CRLF3: variants seen among roughly 807,000 people sequenced by gnomAD.
The protein encoded by CRLF3 is cytokine receptor-like factor 3.
In CRLF3, 33 loss-of-function variants were observed where a neutral mutation model predicts 55.0. That is an observed-to-expected ratio of 0.60 (90% confidence interval 0.46 to 0.80). The LOEUF (loss-of-function observed/expected upper bound fraction) is 0.80. CRLF3 is among the 30% of genes least tolerant of loss of function. The pLI is 0.00. For synonymous variants in CRLF3, 238 were observed against 196.8 expected, an observed-to-expected ratio of 1.21 and a Z score of -1.75; for missense variants, 494 against 538.4, an observed-to-expected ratio of 0.92 and a Z score of 0.82.
intron 1 of CRLF3, among the ~76,000 whole-genome samples, chr17:30,809,056 G>A (rs999018264): frequency 6.6e-6 from 1 of 152,188 alleles, no homozygotes; most frequent in African/African-American, 2.4e-5. Flanking sequence ...GCTCTTTAGC[G>A]GATATAGCAT....
chr17:30,814,719 T>C (rs1388847718), intron 1 of CRLF3, among the ~76,000 whole-genome samples: 1 of 150,460 alleles, frequency 6.6e-6, no homozygotes, highest in African/African-American at 2.4e-5. Flanking sequence ...TAAAACAAAA[T>C]TGCCGGGCAT....
At chr17:30,809,997 G>A (rs1030497083) in intron 1 of CRLF3, 8 of 152,128 alleles carry the variant, frequency 5.3e-5, no homozygotes, top group Non-Finnish European at 1.0e-4. Flanking sequence ...TGTAAATTAT[G>A]TATTGGCTAA....
At chr17:30,804,219 TAAA>T in intron 1 of CRLF3, 111 bp from the exon 2 acceptor site, 1 of 703,254 alleles carries the variant, frequency 1.4e-6, no homozygotes, top group Non-Finnish European at 2.4e-6. Context: ...TTCAATTTAG[TAAA>T]AAAAAGATTA....
At chr17:30,814,113 T>A (rs1001700914) in intron 1 of CRLF3, among the ~76,000 whole-genome samples, 13 of 152,070 alleles carry the variant, frequency 8.5e-5, no homozygotes, top group African/African-American at 3.1e-4. Context: ...TAAAATTAGC[T>A]GGCCTTGGTG....
In CRLF3 at chr17:30,784,358, G is replaced by T. The variant is rs563742674; in HGVS notation, c.1158C>A (p.Ala386=). 9.9e-6 allele frequency: 16 copies of T among 1,613,926 alleles called. No individual in the cohort carries two copies. In the African/African-American group the frequency reaches 1.7e-4, roughly 17 times the overall value. The change falls in exon 8 of 8, where the codon GCC becomes GCA. Residue 386 remains alanine, a synonymous_variant. Coordinates refer to ENST00000324238, the MANE Select transcript of CRLF3 (RefSeq NM_015986.4). ...TATTACTGGTGGTTCCTAGAGTCAC[G>T]GCTTCAATGTCAAACGTGACAGTGG... ...SGSTVTFDIE[A]VTLGTTSNNE... is the part of the protein sequence containing the mutation.
intron 1 of CRLF3, among the ~76,000 whole-genome samples, chr17:30,821,692 G>A (rs1025954676): frequency 7.9e-5 from 12 of 152,278 alleles, no homozygotes; most frequent in East Asian, 5.8e-4. Flanking sequence ...GCTACATACT[G>A]TATGAGTTCA....
At chr17:30,790,835 C>T (rs1417328815) in intron 6 of CRLF3, 2 of 152,070 alleles carry the variant, frequency 1.3e-5, no homozygotes, top group African/African-American at 2.4e-5. Context: ...CCAGGATGGT[C>T]TCGATCTCCT....
chr17:30,808,760 T>C (rs541536227), intron 1 of CRLF3, among the ~76,000 whole-genome samples: 19 of 150,726 alleles, frequency 1.3e-4, no homozygotes, highest in Non-Finnish European at 2.7e-4. Flanking sequence ...GCCCAGCTAA[T>C]TTTTTTGTAT....
intron 2 of CRLF3, among the ~76,000 whole-genome samples, chr17:30,798,643 A>G (rs1971959814): frequency 6.6e-6 from 1 of 152,024 alleles, no homozygotes; most frequent in Non-Finnish European, 1.5e-5. Context: ...GTTCAAGACT[A>G]GCTTGGCCAA....
chr17:30,810,463 G>A (rs1441027993), intron 1 of CRLF3, among the ~76,000 whole-genome samples: 1 of 152,114 alleles, frequency 6.6e-6, no homozygotes, highest in Non-Finnish European at 1.5e-5. Flanking sequence ...CTACTGGGCT[G>A]AGGCAGGAGA....
intron 1 of CRLF3, among the ~76,000 whole-genome samples, chr17:30,808,855 G>A (rs1458951696): frequency 1.3e-5 from 2 of 151,856 alleles, no homozygotes; most frequent in Non-Finnish European, 2.9e-5. Flanking sequence ...AGCCTCCCAA[G>A]GTGCTGGGAT....
At chr17:30,820,404 G>T (rs1371126237) in intron 1 of CRLF3, among the ~76,000 whole-genome samples, 1 of 152,128 alleles carries the variant, frequency 6.6e-6, no homozygotes, top group African/African-American at 2.4e-5. Flanking sequence ...AAGACAAAAG[G>T]TAGGCCAGAT....
At chr17:30,792,385 C>T (rs1005784583) in intron 6 of CRLF3, 55 bp downstream of exon 6, 2 of 1,532,026 alleles carry the variant, frequency 1.3e-6, no homozygotes, top group African/African-American at 2.7e-5. Flanking sequence ...TATGTATGCT[C>T]TATGCACTTC....
At position 30,824,658 on chromosome 17, in the gene CRLF3, G is replaced by T. The variant is rs1905089768; in HGVS notation, c.-7C>A. 1 of 1,586,256 alleles carries T rather than the reference G, an allele frequency of 6.3e-7. No individual in the cohort carries two copies. Among genetic ancestry groups the T allele is most frequent in the South Asian group, 1.1e-5 (1 of 89,004 alleles). ...GCTCCATCGCCCCCCTCATCTGGCC[G>T]CGCGGCCGGCGAAACCTAGCGCGGG... is the stretch of plus-strand genomic sequence containing the variant. On this transcript the variant is annotated 5_prime_UTR_variant, in exon 1 of 8. Transcript: ENST00000324238.
intron 1 of CRLF3, among the ~76,000 whole-genome samples, chr17:30,820,306 T>A (rs1360231862): frequency 2.0e-5 from 3 of 152,208 alleles, no homozygotes; most frequent in Non-Finnish European, 2.9e-5. Flanking sequence ...ACATTTTTAT[T>A]CTTCTTCCTT....
rs2142250540 is a variant in CRLF3, at chr17:30,792,625, TCAATA to T, written c.827-58_827-54del. On this transcript the variant is annotated intron_variant, in intron 5 of 7. Coordinates refer to ENST00000324238, the MANE Select transcript of CRLF3 (RefSeq NM_015986.4). ...TGTTAGAATCTCTTGAGGGATATCT[TCAATA>T]CAGACACGTTAAATAAAACATGGAA... is the stretch of plus-strand genomic sequence containing the variant. The T allele has an allele frequency of 2.6e-6, 4 of 1,516,194 alleles. No individual in the cohort carries two copies. The Admixed American group carries it at 6.8e-5, about 26-fold the overall frequency. 93.9% of individuals were successfully genotyped at this position (1,516,194 alleles called of 1,614,324 possible). A position where few individuals can be genotyped will look rare whatever the true frequency, so the allele number is the denominator to read the frequency against.
At position 30,796,084 on chromosome 17, in the gene CRLF3, A is replaced by G. The variant is rs1046021721; in HGVS notation, c.603+76T>C. ...GAAAAGAATGTATTTAAAAGTAGTC[A>G]ACGAAAAAATCTGAAAGGCCTCCAA... On this transcript the variant is annotated intron_variant, in intron 4 of 7. Coordinates refer to ENST00000324238, the MANE Select transcript of CRLF3 (RefSeq NM_015986.4). 12 of 1,033,958 alleles carry G rather than the reference A, an allele frequency of 1.2e-5. No homozygotes were observed. In the Admixed American group the frequency reaches 2.3e-4, roughly 20 times the overall value. The allele number at this position is 1,033,958 out of a possible 1,614,324, so 64.0% of individuals were successfully genotyped here.
At chr17:30,800,763 T>G (rs1971994876) in intron 2 of CRLF3, among the ~76,000 whole-genome samples, 1 of 151,728 alleles carries the variant, frequency 6.6e-6, no homozygotes. Context: ...TGTGCCACCA[T>G]GCCTGGCTAA....
intron 1 of CRLF3, among the ~76,000 whole-genome samples, chr17:30,810,598 T>G (rs1192487780): frequency 2.6e-5 from 4 of 151,802 alleles, no homozygotes; most frequent in Non-Finnish European, 2.9e-5. Context: ...AAAACAAAAC[T>G]TACAAAGTTT....
Sources: allele counts gnomAD v4.1 joint callset (sites outside exome capture counted in the v4.1 genomes callset), GRCh38; gene constraint gnomAD v4.1.1; transcripts MANE v1.5; gene names NCBI Gene and HGNC (gene_info 2026-07-23, HGNC 2026-07-21).